C9orf78: variants seen among roughly 807,000 people sequenced by gnomAD.
C9orf78 encodes splicing factor C9orf78.
In C9orf78, 19 loss-of-function variants were observed where a neutral mutation model predicts 37.4. The observed-to-expected ratio is 0.51, with a 90% confidence interval of 0.35 to 0.74. The LOEUF (loss-of-function observed/expected upper bound fraction) is 0.74, where lower values mean the gene tolerates loss of function less well. Ranked by LOEUF, C9orf78 falls within the 30% of genes least tolerant of loss-of-function variation. C9orf78 has a pLI of 0.01. For missense variants in C9orf78, 291 were observed against 370.8 expected (o/e 0.78, Z 1.77); for synonymous variants, 130 against 128.0 (o/e 1.02, Z -0.10).
chr9:129,828,590 A>C (rs1253142453), intron 8 of C9orf78: 2 of 239,104 alleles, frequency 8.4e-6, no homozygotes, highest in Non-Finnish European at 1.7e-5. Context: ...CACCTGGCTA[A>C]TTTTTGTATT....
chr9:129,834,774 A>C lies in C9orf78; in HGVS notation c.84-8T>G. ...GTCTCTTCCAGTTTTAATCTTTAAA[A>C]AGAAGAAGAAGCAGCAATGCATAAG... On this transcript the variant is annotated splice_polypyrimidine_tract_variant and splice_region_variant and intron_variant, in intron 1 of 8. Coordinates refer to ENST00000372447, the MANE Select transcript of C9orf78 (RefSeq NM_016520.3). 1.9e-6 allele frequency: 3 copies of C among 1,598,540 alleles called. No homozygotes were observed. The highest frequency in any genetic ancestry group is 2.6e-6 in the Non-Finnish European group (3 of 1,167,204).
chr9:129,834,893 TC>T, intron 1 of C9orf78, 127 bp from the exon 2 acceptor site: 1 of 778,074 alleles, frequency 1.3e-6, no homozygotes, highest in Non-Finnish European at 2.2e-6. Flanking sequence ...AGCACAGTGG[TC>T]CAGAGGACGA....
chr9:129,833,344 A>G lies in C9orf78; in HGVS notation c.266+103T>C, dbSNP rs1471888695. On this transcript the variant is annotated intron_variant, in intron 4 of 8. Coordinates refer to ENST00000372447, the MANE Select transcript of C9orf78 (RefSeq NM_016520.3). ...TGCAAAGCACAAAACCTGCTTCAAG[A>G]TGTCCTACTAATGCTGCTGCTACAG... is the stretch of plus-strand genomic sequence containing the variant. The G allele has an allele frequency of 1.8e-5, 13 of 709,736 alleles. No individual in the cohort carries two copies. In the East Asian group the frequency reaches 3.2e-4, roughly 18 times the overall value. 44.0% of individuals were successfully genotyped at this position (709,736 alleles called of 1,614,324 possible).
rs147629327 is a variant in C9orf78, at chr9:129,834,656, G to A, written c.143+51C>T. ...TATTTGTGACAGCGACCCGGACGCG[G>A]ATGTGTCTGTCGTCCCCGCCGCCTC... On this transcript the variant is annotated intron_variant, in intron 2 of 8. Coordinates refer to ENST00000372447, the MANE Select transcript of C9orf78 (RefSeq NM_016520.3). 56 of 1,312,900 alleles carry A rather than the reference G, an allele frequency of 4.3e-5. No individual in the cohort carries two copies. In the African/African-American group the frequency reaches 7.6e-4, roughly 18 times the overall value. 81.3% of individuals were successfully genotyped at this position (1,312,900 alleles called of 1,614,324 possible).
chr9:129,829,692 T>G (rs1156440374), intron 6 of C9orf78, 151 bp from the exon 7 acceptor site: 7 of 650,852 alleles, frequency 1.1e-5, no homozygotes, highest in African/African-American at 3.6e-5. Flanking sequence ...TGTAGTCACA[T>G]TCTCACGGGA....
chr9:129,834,574 A>C (rs980733246), intron 2 of C9orf78, 133 bp downstream of exon 2: 2 of 680,660 alleles, frequency 2.9e-6, no homozygotes, highest in Non-Finnish European at 5.2e-6. Context: ...GCTGTTCTCC[A>C]AGTTGGGCAG....
At chr9:129,833,604 A>G (rs2031575693) in intron 3 of C9orf78, 54 bp downstream of exon 3, 1 of 1,460,432 alleles carries the variant, frequency 6.8e-7, no homozygotes, top group African/African-American at 1.4e-5. Context: ...CACTCACTGA[A>G]GAGCACTGCA....
Position 129,833,479 on chromosome 9 carries a change from A to G in C9orf78, c.234T>C (p.Asp78=), listed in dbSNP as rs1247185023. The G allele has an allele frequency of 6.2e-7, 1 of 1,606,112 alleles. No homozygotes were observed. Among genetic ancestry groups the G allele is most frequent in the Admixed American group, 1.7e-5 (1 of 59,986 alleles). ...PFQMKTGGMV[D]MKKLKERGKD... ...TGCCCCTTTCCTTCAGTTTCTTCAT[A>G]TCCACCATACCACCTGTCTTCATCT... The change falls in exon 4 of 9, where the codon GAT becomes GAC. Residue 78 remains aspartate, a synonymous_variant. Transcript: ENST00000372447.
intron 6 of C9orf78, 42 bp downstream of exon 6, chr9:129,830,829 C>T (rs1331494711): frequency 1.4e-6 from 2 of 1,418,982 alleles, no homozygotes; most frequent in East Asian, 4.6e-5. Context: ...TAACTTTTAA[C>T]TGGAAAGCAC....
Position 129,831,972 on chromosome 9 carries a change from T to A in C9orf78, c.268A>T (p.Ile90Phe), listed in dbSNP as rs1221264154. ...KKLKERGKDK[I>F]SEEEDLHLGT... is the part of the protein sequence containing the mutation. The stretch of plus-strand genomic sequence containing the variant: ...AGGTGCAGGTCCTCCTCCTCACTGA[T>A]CCTGGAGGGAGAGAACAATGAGGCA... The change falls in exon 5 of 9, where the codon ATC becomes TTC. Residue 90 changes from isoleucine (I) to phenylalanine (F), a missense_variant and splice_region_variant. Transcript: ENST00000372447. 1.3e-6 allele frequency: 2 copies of A among 1,494,534 alleles called. No homozygotes were observed. The highest frequency in any genetic ancestry group is 2.3e-5 in the East Asian group (1 of 44,350). 92.6% of individuals were successfully genotyped at this position (1,494,534 alleles called of 1,614,324 possible).
intron 2 of C9orf78, 61 bp downstream of exon 2, chr9:129,834,646 C>T: frequency 8.3e-7 from 1 of 1,201,602 alleles, no homozygotes; most frequent in Non-Finnish European, 1.2e-6. Flanking sequence ...GTGACAGCGA[C>T]CCGGACGCGG....
chr9:129,833,648 C>T lies in C9orf78; in HGVS notation c.195+10G>A, dbSNP rs778229828. ...TGCCATAACTACTCAGGGAAGACCC[C>T]ATAACTTACCACTAGAGTGGTCTCC... On this transcript the variant is annotated intron_variant, in intron 3 of 8. Transcript: ENST00000372447. 2 of 1,601,744 alleles carry T rather than the reference C, an allele frequency of 1.2e-6. No individual in the cohort carries two copies. Among genetic ancestry groups the T allele is most frequent in the Admixed American group, 1.7e-5 (1 of 59,958 alleles).
chr9:129,828,384 G>T, intron 8 of C9orf78, 132 bp from the exon 9 acceptor site: 1 of 633,362 alleles, frequency 1.6e-6, no homozygotes, highest in Admixed American at 2.5e-5. Context: ...AGTGAACACA[G>T]TAGGGCCTCA....
Position 129,831,005 on chromosome 9 carries a change from T to C in C9orf78, c.408A>G (p.Lys136=), listed in dbSNP as rs753727584. The C allele has an allele frequency of 2.5e-6, 4 of 1,613,566 alleles. No individual in the cohort carries two copies. Among genetic ancestry groups the C allele is most frequent in the East Asian group, 2.2e-5 (1 of 44,892 alleles). ...AGTCCTCTGCATTCTTTGGCTTAACTTTCTGTTCCTCATGTTCCACGATCC... is the reference window on the plus strand; with the variant it reads ...AGTCCTCTGCATTCTTTGGCTTAACCTTCTGTTCCTCATGTTCCACGATCC... ...RKGIVEHEEQ[K]VKPKNAEDCL... is the part of the protein sequence containing the mutation. The change falls in exon 6 of 9, where the codon AAA becomes AAG. Residue 136 remains lysine, a synonymous_variant. Transcript: ENST00000372447.
rs145727751 is a variant in C9orf78, at chr9:129,832,985, G to GTA, written c.266+460_266+461dup. 5.4e-3 allele frequency among the ~76,000 whole-genome samples: 801 copies of GTA among 148,978 alleles called. 7 individuals carry two copies. Among genetic ancestry groups the GTA allele is most frequent in the African/African-American group, 0.017 (677 of 40,424 alleles). On this transcript the variant is annotated intron_variant, in intron 4 of 8. Coordinates refer to ENST00000372447, the MANE Select transcript of C9orf78 (RefSeq NM_016520.3). ...CACACACATATATATATGCGTGTGT[G>GTA]TATATATATATATGTGTGTGTGTGT...
In C9orf78 at chr9:129,835,160, T is replaced by A. The variant is rs2031687595; in HGVS notation, c.62A>T (p.Glu21Val). The A allele has an allele frequency of 6.2e-7, 1 of 1,611,226 alleles. No individual in the cohort carries two copies. Among genetic ancestry groups the A allele is most frequent in the African/African-American group, 1.3e-5 (1 of 74,518 alleles). ...GCACCGAACCTCCTCTGAGTCCTGC[T>A]CATCTTCCTCTGACTCCGAGTCGCC... ...RRGDSESEEDEQDSEEVRLKL... is the reference protein window; with the variant it reads ...RRGDSESEEDVQDSEEVRLKL... Residue 21 changes from glutamate to valine, a missense_variant, in exon 1 of 9, where the codon GAG (glutamate) becomes GTG (valine). Around this residue, in one of 3 missense-constraint regions of C9orf78, gnomAD observed 158 missense variants for 174.8 expected, o/e 0.90. Transcript: ENST00000372447.
Position 129,829,682 on chromosome 9 carries a change from T to C in C9orf78, c.543-141A>G, listed in dbSNP as rs1177075519. On this transcript the variant is annotated intron_variant, in intron 6 of 8. Coordinates refer to ENST00000372447, the MANE Select transcript of C9orf78 (RefSeq NM_016520.3). ...AGCTCTCCACTTTATCAAGCACACT[T>C]GTAGTCACATTCTCACGGGACTCTC... is the stretch of plus-strand genomic sequence containing the variant. The C allele has an allele frequency of 1.2e-5, 8 of 688,508 alleles. No individual in the cohort carries two copies. In the Admixed American group the frequency reaches 2.0e-4, roughly 17 times the overall value. The allele number at this position is 688,508 out of a possible 1,614,324, so 42.6% of individuals were successfully genotyped here. A position where few individuals can be genotyped will look rare whatever the true frequency, so the allele number is the denominator to read the frequency against.
At chr9:129,828,835 A>G in intron 8 of C9orf78, 1 of 363,080 alleles carries the variant, frequency 2.8e-6, no homozygotes, top group Admixed American at 4.1e-5. Flanking sequence ...GTCTCAAGCA[A>G]TCCTCCTGTC....
intron 2 of C9orf78, 39 bp from the exon 3 acceptor site, chr9:129,833,748 G>T: frequency 6.8e-7 from 1 of 1,473,840 alleles, no homozygotes; most frequent in Non-Finnish European, 9.4e-7. Context: ...GGGAGAGAGA[G>T]AAATGGCATA....
Sources: gnomAD v4.1 joint callset for allele counts (sites outside exome capture counted in the v4.1 genomes callset) on GRCh38, gnomAD v4.1.1 for gene constraint, gnomAD v4.1.1 regional missense constraint, MANE v1.5 for transcripts, NCBI Gene and HGNC (gene_info 2026-07-23, HGNC 2026-07-21) for gene names.